The following TIGIT variants were observed in gnomAD, a reference collection of about 807,000 sequenced individuals.
The protein encoded by TIGIT is T cell immunoreceptor with Ig and ITIM domains.
A neutral mutation model predicts 19.6 loss-of-function variants in TIGIT; 11 were observed. The ratio of observed to expected loss-of-function variants is 0.56; its 90% CI spans 0.35 to 0.93. The LOEUF (loss-of-function observed/expected upper bound fraction) is 0.93. TIGIT is among the 40% of genes least tolerant of loss of function. The probability of loss-of-function intolerance (pLI) is 0.01; values close to 1 mark genes in which losing one functional copy is unlikely to be tolerated. For synonymous variants in TIGIT, 130 were observed against 125.5 expected, an observed-to-expected ratio of 1.04 and a Z score of -0.24; for missense variants, 295 against 303.9, an observed-to-expected ratio of 0.97 and a Z score of 0.22.
chr3:114,304,743 C>A (rs2078519701), intron 3 of TIGIT, among the ~76,000 whole-genome samples: 2 of 152,134 alleles, frequency 1.3e-5, no homozygotes, highest in Non-Finnish European at 2.9e-5. Context: ...GAGGCAGGGC[C>A]CAGCAGGGAT....
intron 3 of TIGIT, chr3:114,307,589 AG>A: frequency 6.8e-6 from 2 of 292,196 alleles, no homozygotes; most frequent in Non-Finnish European, 6.5e-6. Context: ...AGGTCGACAG[AG>A]TCAAGTGCAG....
Position 114,295,414 on chromosome 3 carries a change from C to G in TIGIT, c.62-131C>G, listed in dbSNP as rs542490685. 58 of 712,700 alleles carry G rather than the reference C, an allele frequency of 8.1e-5. 1 individual carries two copies. The highest frequency in any genetic ancestry group is 5.4e-4 in the Admixed American group (23 of 42,984). The allele number at this position is 712,700 out of a possible 1,614,324, so 44.1% of individuals were successfully genotyped here. ...AATAATTACAGCCTCTATGGAGGAG[C>G]AACAGGATGGACTGGAGAAACTATC... On this transcript the variant is annotated intron_variant, in intron 1 of 3. Transcript: ENST00000383671.
At chr3:114,298,734 C>T (rs1050977454) in intron 2 of TIGIT, among the ~76,000 whole-genome samples, 1 of 152,136 alleles carries the variant, frequency 6.6e-6, no homozygotes, top group Non-Finnish European at 1.5e-5. Flanking sequence ...ATTCCTAAGC[C>T]ACCTTTTAGC....
At chr3:114,303,630 T>TATAC (rs1281900522) in intron 3 of TIGIT, among the ~76,000 whole-genome samples, 1 of 115,892 alleles carries the variant, frequency 8.6e-6, no homozygotes, top group African/African-American at 3.2e-5. Flanking sequence ...TGTATATATA[T>TATAC]ACACACACAC....
intron 3 of TIGIT, among the ~76,000 whole-genome samples, chr3:114,303,875 A>G (rs961384409): frequency 6.6e-6 from 1 of 152,056 alleles, no homozygotes; most frequent in Non-Finnish European, 1.5e-5. Context: ...TTACATTCCC[A>G]CAAGCAGTGT....
Position 114,308,235 on chromosome 3 carries a change from GTA to G in TIGIT, c.*106_*107del, listed in dbSNP as rs2078549235. On this transcript the variant is annotated 3_prime_UTR_variant, in exon 4 of 4. Transcript: ENST00000383671. ...CAGTGCTGCGTGTGTGTGTGTGTGTGTATGTGTGTGTGTGTTCAGTTGAGTGA... is the reference window on the plus strand; with the variant it reads ...CAGTGCTGCGTGTGTGTGTGTGTGTGTGTGTGTGTGTGTTCAGTTGAGTGA... 13 of 814,418 alleles carry G rather than the reference GTA, an allele frequency of 1.6e-5. No homozygotes were observed. Among genetic ancestry groups the G allele is most frequent in the East Asian group, 5.1e-5 (2 of 39,428 alleles). The allele number at this position is 814,418 out of a possible 1,614,324, so 50.4% of individuals were successfully genotyped here.
rs746519400 is a variant in TIGIT, at chr3:114,308,122, G to T, written c.726G>T (p.Glu242Asp). The T allele has an allele frequency of 3.1e-6, 5 of 1,613,956 alleles. No homozygotes were observed. Among genetic ancestry groups the T allele is most frequent in the Non-Finnish European group, 4.2e-6 (5 of 1,179,938 alleles). ...RSLGNCSFFTETG is the reference protein window; with the variant it reads ...RSLGNCSFFTDTG ...TGGGTAACTGCAGCTTCTTCACAGA[G>T]ACTGGTTAGCAACCAGAGGCATCTT... is the stretch of plus-strand genomic sequence containing the variant. Residue 242 changes from glutamate to aspartate, a missense_variant, in exon 4 of 4, where the codon GAG becomes GAT. Glu to Asp is a conservative substitution (Grantham distance 45). Transcript: ENST00000383671.
intron 3 of TIGIT, among the ~76,000 whole-genome samples, chr3:114,300,155 G>A (rs1440400344): frequency 6.6e-6 from 1 of 152,194 alleles, no homozygotes; most frequent in East Asian, 1.9e-4. Context: ...GTTAGGCCAG[G>A]AGCTGTGGCT....
At chr3:114,303,641 A>ACACG (rs1553776867) in intron 3 of TIGIT, among the ~76,000 whole-genome samples, 3 of 134,244 alleles carry the variant, frequency 2.2e-5, no homozygotes, top group African/African-American at 8.4e-5. Flanking sequence ...ACACACACAC[A>ACACG]CACACACACA....
In TIGIT at chr3:114,307,967, C is replaced by T; in HGVS notation, c.571C>T (p.Pro191Ser). 6.2e-7 allele frequency: 1 copy of T among 1,614,070 alleles called. No homozygotes were observed. The highest frequency in any genetic ancestry group is 8.5e-7 in the Non-Finnish European group (1 of 1,180,012). Reference sequence around the variant, plus strand: ...ATCAGCTGGACAGGAGGAATGGAGCCCCAGTGCTCCCTCACCCCCAGGAAG... The same window carrying T: ...ATCAGCTGGACAGGAGGAATGGAGCTCCAGTGCTCCCTCACCCCCAGGAAG... ...RKSAGQEEWS[P>S]SAPSPPGSCV... Residue 191 changes from proline (P) to serine (S), a missense_variant, in exon 4 of 4, where the codon CCC (proline) becomes TCC (serine). Physicochemically the swap from Pro to Ser is moderately conservative, Grantham distance 74. Coordinates refer to ENST00000383671, the MANE Select transcript of TIGIT (RefSeq NM_173799.4).
At chr3:114,302,599 T>A in intron 3 of TIGIT, among the ~76,000 whole-genome samples, 1 of 152,218 alleles carries the variant, frequency 6.6e-6, no homozygotes, top group East Asian at 1.9e-4. Context: ...TGCTGCTATC[T>A]GTTCTGTACT....
chr3:114,294,225 G>A lies in TIGIT; in HGVS notation c.61+103G>A, dbSNP rs1488773308. 4.6e-6 allele frequency: 4 copies of A among 867,246 alleles called. No individual in the cohort carries two copies. In the East Asian group the frequency reaches 1.1e-4, roughly 23 times the overall value. 53.7% of individuals were successfully genotyped at this position (867,246 alleles called of 1,614,324 possible). A position where few individuals can be genotyped will look rare whatever the true frequency, so the allele number is the denominator to read the frequency against. Reference sequence around the variant, plus strand: ...GGGAAGACTCCAAGAGCATGCCACAGCTGCTTGAGAGAAAGAAATTGCAAC... The same window carrying A: ...GGGAAGACTCCAAGAGCATGCCACAACTGCTTGAGAGAAAGAAATTGCAAC... On this transcript the variant is annotated intron_variant, in intron 1 of 3. Transcript: ENST00000383671.
rs367861021 is a variant in TIGIT, at chr3:114,308,032, A to C, written c.636A>C (p.Gly212=). 13 of 1,614,052 alleles carry C rather than the reference A, an allele frequency of 8.1e-6. No individual in the cohort carries two copies. The African/African-American group carries it at 1.6e-4, about 20-fold the overall frequency. The stretch of plus-strand genomic sequence containing the variant: ...AAGCTGCACCTGCTGGGCTCTGTGG[A>C]GAGCAGCGGGGAGAGGACTGTGCCG... ...QAEAAPAGLC[G]EQRGEDCAEL... The change falls in exon 4 of 4, where the codon GGA becomes GGC. Residue 212 remains glycine, a synonymous_variant. Transcript: ENST00000383671.
chr3:114,306,273 A>G (rs2078534295), intron 3 of TIGIT, among the ~76,000 whole-genome samples: 1 of 152,162 alleles, frequency 6.6e-6, no homozygotes, highest in Admixed American at 6.5e-5. Flanking sequence ...GGCTACATTT[A>G]GAGTGTATCT....
At chr3:114,307,136 T>C (rs1312209102) in intron 3 of TIGIT, among the ~76,000 whole-genome samples, 1 of 136,778 alleles carries the variant, frequency 7.3e-6, no homozygotes, top group East Asian at 2.5e-4. Flanking sequence ...GCTCAGCTGG[T>C]GCCATAAACC....
intron 2 of TIGIT, among the ~76,000 whole-genome samples, chr3:114,299,275 GT>G (rs966886065): frequency 6.6e-6 from 1 of 152,164 alleles, no homozygotes; most frequent in African/African-American, 2.4e-5. Flanking sequence ...CACTTTCTGA[GT>G]TTTTTTCTGG....
intron 3 of TIGIT, among the ~76,000 whole-genome samples, chr3:114,300,547 A>G (rs2078485968): frequency 6.6e-6 from 1 of 152,180 alleles, no homozygotes; most frequent in Admixed American, 6.5e-5. Flanking sequence ...TAATCTTTCA[A>G]GGTCTTCATT....
intron 2 of TIGIT, among the ~76,000 whole-genome samples, chr3:114,298,374 C>T (rs2078468361): frequency 6.6e-6 from 1 of 152,202 alleles, no homozygotes; most frequent in African/African-American, 2.4e-5. Context: ...AACTCATTAT[C>T]ATAATCTTCC....
At position 114,308,787 on chromosome 3, in the gene TIGIT, T is replaced by C. The variant is rs1443207935; in HGVS notation, c.*656T>C. Reference sequence around the variant, plus strand: ...TAGGCTTATCTGTGATGAAGTGGCCTGGGAGCACCAAGGGGATGTTGAGGC... The same window carrying C: ...TAGGCTTATCTGTGATGAAGTGGCCCGGGAGCACCAAGGGGATGTTGAGGC... On this transcript the variant is annotated 3_prime_UTR_variant, in exon 4 of 4. Coordinates refer to ENST00000383671, the MANE Select transcript of TIGIT (RefSeq NM_173799.4). 1 of 152,456 alleles carries C rather than the reference T, an allele frequency of 6.6e-6. No individual in the cohort carries two copies. The highest frequency in any genetic ancestry group is 2.4e-5 in the African/African-American group (1 of 41,556). 9.4% of individuals were successfully genotyped at this position (152,456 alleles called of 1,614,324 possible).
Sources: gnomAD v4.1 joint callset for allele counts (sites outside exome capture counted in the v4.1 genomes callset) on GRCh38, gnomAD v4.1.1 for gene constraint, MANE v1.5 for transcripts, NCBI Gene and HGNC (gene_info 2026-07-23, HGNC 2026-07-21) for gene names.